Variants in ZMAT4 observed in about 807,000 individuals in gnomAD.
ZMAT4 encodes the protein zinc finger matrin-type 4.
ZMAT4 carries 17 observed loss-of-function variants against 28.7 expected under a neutral mutation model. The observed-to-expected ratio is 0.59, with a 90% confidence interval of 0.41 to 0.89. The LOEUF (loss-of-function observed/expected upper bound fraction) is 0.89, where lower values mean the gene tolerates loss of function less well. Among genes scored for constraint, ZMAT4 ranks in the 40% least tolerant of loss-of-function variants. The probability of loss-of-function intolerance (pLI) is 0.00; values close to 1 mark genes in which losing one functional copy is unlikely to be tolerated. For synonymous variants in ZMAT4, 117 were observed against 109.2 expected (o/e 1.07, Z -0.44); for missense variants, 240 against 283.8 (o/e 0.85, Z 1.11).
At chr8:40,708,064 A>T (rs990219981) in intron 3 of ZMAT4, among the ~76,000 whole-genome samples, 4 of 152,236 alleles carry the variant, frequency 2.6e-5, no homozygotes, top group African/African-American at 9.6e-5. Context: ...TTACAAAACT[A>T]GGTGACATGG....
At chr8:40,550,494 TG>T (rs1366922239) in intron 6 of ZMAT4, among the ~76,000 whole-genome samples, 2 of 152,330 alleles carry the variant, frequency 1.3e-5, no homozygotes, top group Admixed American at 1.3e-4. Context: ...TGATATGGTT[TG>T]GCTCTGTGTC....
At chr8:40,535,541 C>T (rs922118464) in intron 6 of ZMAT4, among the ~76,000 whole-genome samples, 2 of 152,016 alleles carry the variant, frequency 1.3e-5, no homozygotes, top group African/African-American at 4.8e-5. Context: ...TGGTGGCATG[C>T]TCCTGTAGTC....
intron 5 of ZMAT4, among the ~76,000 whole-genome samples, chr8:40,581,693 C>T (rs1222256704): frequency 2.6e-5 from 4 of 152,168 alleles, no homozygotes; most frequent in Non-Finnish European, 5.9e-5. Flanking sequence ...TTAGACATCA[C>T]TCATTTAGGT....
intron 6 of ZMAT4, among the ~76,000 whole-genome samples, chr8:40,572,535 GAGGCCTGGAGTGTTCCCT>G (rs1804131108): frequency 6.6e-6 from 1 of 152,056 alleles, no homozygotes; most frequent in African/African-American, 2.4e-5. Flanking sequence ...ATCATGTCCT[GAGGCCTGGAGTGTTCCCT>G]AAGCTCAAAT....
chr8:40,744,085 GAT>G (rs1017187880), intron 3 of ZMAT4, among the ~76,000 whole-genome samples: 35 of 152,212 alleles, frequency 2.3e-4, no homozygotes, highest in African/African-American at 8.0e-4. Flanking sequence ...AGCCCAGAAA[GAT>G]AGAGACTAGA....
At chr8:40,750,507 A>T (rs1174328463) in intron 3 of ZMAT4, among the ~76,000 whole-genome samples, 2 of 152,344 alleles carry the variant, frequency 1.3e-5, no homozygotes, top group East Asian at 3.9e-4. Flanking sequence ...AGATGAAGAC[A>T]AATGGACCCA....
At chr8:40,568,891 G>A (rs1309375898) in intron 6 of ZMAT4, among the ~76,000 whole-genome samples, 3 of 151,964 alleles carry the variant, frequency 2.0e-5, no homozygotes, top group African/African-American at 7.3e-5. Context: ...CCCATGTTTT[G>A]CACCTCTTTT....
intron 5 of ZMAT4, among the ~76,000 whole-genome samples, chr8:40,620,033 C>A (rs1806140781): frequency 1.3e-5 from 2 of 152,146 alleles, no homozygotes; most frequent in South Asian, 4.1e-4. Context: ...AGGATCTCAG[C>A]CAAATAAAAT....
intron 5 of ZMAT4, among the ~76,000 whole-genome samples, chr8:40,630,684 C>T (rs1806542486): frequency 6.6e-6 from 1 of 152,190 alleles, no homozygotes; most frequent in Non-Finnish European, 1.5e-5. Context: ...AAACCCCAGT[C>T]ACAGTTAATG....
At chr8:40,627,596 A>C (rs1412633895) in intron 5 of ZMAT4, among the ~76,000 whole-genome samples, 2 of 152,210 alleles carry the variant, frequency 1.3e-5, no homozygotes, top group East Asian at 3.8e-4. Context: ...TACCATTTAA[A>C]ATTTTTCAAC....
intron 5 of ZMAT4, among the ~76,000 whole-genome samples, chr8:40,643,824 GA>G (rs373494242): frequency 9.5e-5 from 14 of 147,582 alleles, no homozygotes; most frequent in African/African-American, 1.5e-4. Context: ...AGTGTTCCAG[GA>G]AAAAAAAACT....
At chr8:40,543,244 T>A (rs2118388503) in intron 6 of ZMAT4, among the ~76,000 whole-genome samples, 1 of 152,300 alleles carries the variant, frequency 6.6e-6, no homozygotes, top group Non-Finnish European at 1.5e-5. Flanking sequence ...ATAAACGTGC[T>A]GATAGGCCAC....
At chr8:40,630,357 G>A (rs772068073) in intron 5 of ZMAT4, among the ~76,000 whole-genome samples, 2 of 152,178 alleles carry the variant, frequency 1.3e-5, no homozygotes, top group Non-Finnish European at 2.9e-5. Context: ...GGTGCGTTTA[G>A]TGGATTATCT....
At chr8:40,667,816 A>G (rs548908203) in intron 5 of ZMAT4, among the ~76,000 whole-genome samples, 12 of 148,268 alleles carry the variant, frequency 8.1e-5, no homozygotes, top group Admixed American at 7.6e-4. Context: ...AAATGAATCC[A>G]GCATAAGGTC....
intron 3 of ZMAT4, among the ~76,000 whole-genome samples, chr8:40,721,035 A>T (rs1349164218): frequency 1.3e-5 from 2 of 151,164 alleles, no homozygotes; most frequent in African/African-American, 2.4e-5. Context: ...TGTGCAGGTT[A>T]GTTACATATG....
At chr8:40,811,997 G>GGTGCA (rs887962152) in intron 2 of ZMAT4, among the ~76,000 whole-genome samples, 2 of 143,008 alleles carry the variant, frequency 1.4e-5, no homozygotes, top group African/African-American at 5.6e-5. Context: ...CAGGCGTGGT[G>GGTGCA]GTGCGCACCT....
intron 5 of ZMAT4, among the ~76,000 whole-genome samples, chr8:40,656,609 T>C (rs897247150): frequency 6.6e-6 from 1 of 152,118 alleles, no homozygotes; most frequent in Non-Finnish European, 1.5e-5. Context: ...TAAAAATGAA[T>C]GATGTACTGA....
At chr8:40,600,309 C>T (rs918244059) in intron 5 of ZMAT4, among the ~76,000 whole-genome samples, 3 of 152,182 alleles carry the variant, frequency 2.0e-5, no homozygotes, top group Non-Finnish European at 2.9e-5. Context: ...AACAGATAAG[C>T]AAAGCAAAAT....
At chr8:40,569,779 A>T (rs1292081589) in intron 6 of ZMAT4, among the ~76,000 whole-genome samples, 1 of 152,232 alleles carries the variant, frequency 6.6e-6, no homozygotes, top group African/African-American at 2.4e-5. Flanking sequence ...TGTTCTTTGT[A>T]GTAGGCCTAG....
Sources: allele counts gnomAD v4.1 joint callset (sites outside exome capture counted in the v4.1 genomes callset), GRCh38; gene constraint gnomAD v4.1.1; transcripts MANE v1.5; gene names NCBI Gene and HGNC (gene_info 2026-07-23, HGNC 2026-07-21).